ATOSA: variants seen among roughly 807,000 people sequenced by gnomAD.
ATOSA encodes atos homolog protein A.
the ATOSA span, among the ~76,000 whole-genome samples, chr15:52,702,567 T>C: frequency 6.6e-6 from 1 of 151,992 alleles, no homozygotes; most frequent in Non-Finnish European, 1.5e-5. Context: ...TGGGTACTCA[T>C]GGACATAGAG....
the ATOSA span, among the ~76,000 whole-genome samples, chr15:52,659,014 G>T: frequency 6.6e-6 from 1 of 151,802 alleles, no homozygotes; most frequent in Non-Finnish European, 1.5e-5. Flanking sequence ...GGATAGTAGA[G>T]TGTACAATTT....
At chr15:52,587,112 G>A in the ATOSA span, 5 of 1,612,204 alleles carry the variant, frequency 3.1e-6, no homozygotes, top group Non-Finnish European at 4.2e-6. Flanking sequence ...ATGTATGTGA[G>A]AGAATGATTA....
the ATOSA span, among the ~76,000 whole-genome samples, chr15:52,703,537 C>T: frequency 6.6e-6 from 1 of 152,248 alleles, no homozygotes; most frequent in East Asian, 1.9e-4. Context: ...AACAAAACTA[C>T]CTGATGGTTG....
At chr15:52,688,131 A>G in the ATOSA span, among the ~76,000 whole-genome samples, 1 of 152,228 alleles carries the variant, frequency 6.6e-6, no homozygotes, top group East Asian at 1.9e-4. Context: ...AAAGCTGCTA[A>G]TTTCTGGAAT....
At chr15:52,611,744 T>A in the ATOSA span, 1 of 1,613,932 alleles carries the variant, frequency 6.2e-7, no homozygotes, top group Non-Finnish European at 8.5e-7. Context: ...CACAACAATG[T>A]GACCTCAGAC....
At chr15:52,607,489 G>GTAGT in the ATOSA span, among the ~76,000 whole-genome samples, 1 of 152,164 alleles carries the variant, frequency 6.6e-6, no homozygotes, top group Non-Finnish European at 1.5e-5. Context: ...TTATTGTGAG[G>GTAGT]TAGTAGAAAG....
the ATOSA span, among the ~76,000 whole-genome samples, chr15:52,706,031 T>C: frequency 6.6e-6 from 1 of 152,194 alleles, no homozygotes; most frequent in Non-Finnish European, 1.5e-5. Flanking sequence ...ATTAAACTGC[T>C]GTGAAACAAA....
the ATOSA span, chr15:52,587,378 C>A: frequency 1.7e-6 from 1 of 586,934 alleles, no homozygotes; most frequent in Non-Finnish European, 2.9e-6. Flanking sequence ...TGTTTCTACC[C>A]CTAAGGAAAC....
At chr15:52,623,158 C>CA in the ATOSA span, among the ~76,000 whole-genome samples, 40,183 of 141,546 alleles carry the variant, frequency 0.28, 7,100 homozygotes, top group East Asian at 0.85. Context: ...GACTCCGTGT[C>CA]AAAAAAAAAA....
At chr15:52,586,144 C>G in the ATOSA span, 1 of 152,092 alleles carries the variant, frequency 6.6e-6, no homozygotes, top group African/African-American at 2.4e-5. Flanking sequence ...GCTGCATAGC[C>G]GAAGGCAAGA....
the ATOSA span, among the ~76,000 whole-genome samples, chr15:52,664,746 C>G: frequency 6.6e-6 from 1 of 152,120 alleles, no homozygotes; most frequent in Non-Finnish European, 1.5e-5. Flanking sequence ...AGTTCCAGAC[C>G]TCGGCAACAT....
At chr15:52,640,305 CA>C in the ATOSA span, among the ~76,000 whole-genome samples, 1 of 151,464 alleles carries the variant, frequency 6.6e-6, no homozygotes, top group African/African-American at 2.4e-5. Context: ...TAGTGTGGGC[CA>C]GGTGAGGTGG....
the ATOSA span, among the ~76,000 whole-genome samples, chr15:52,659,068 G>A: frequency 6.6e-6 from 1 of 152,052 alleles, no homozygotes; most frequent in Non-Finnish European, 1.5e-5. Context: ...TACTCCTCTG[G>A]GCCAGCTCCC....
the ATOSA span, among the ~76,000 whole-genome samples, chr15:52,612,257 T>C: frequency 6.6e-6 from 1 of 152,100 alleles, no homozygotes; most frequent in East Asian, 1.9e-4. Flanking sequence ...AGTGCTGGGA[T>C]TACAGGAATG....
the ATOSA span, chr15:52,656,012 C>CAT: frequency 7.1e-4 from 108 of 152,128 alleles, no homozygotes; most frequent in African/African-American, 2.5e-3. Flanking sequence ...TGTCTGCATA[C>CAT]ATACACACAC....
the ATOSA span, among the ~76,000 whole-genome samples, chr15:52,616,309 C>T: frequency 6.6e-6 from 1 of 152,166 alleles, no homozygotes; most frequent in South Asian, 2.1e-4. Context: ...AGACAAGTCA[C>T]TGAATGTTTT....
At chr15:52,659,383 T>A in the ATOSA span, among the ~76,000 whole-genome samples, 132 of 152,346 alleles carry the variant, frequency 8.7e-4, no homozygotes, top group African/African-American at 3.0e-3. Context: ...TTAACCAATA[T>A]GACTATATAA....
the ATOSA span, among the ~76,000 whole-genome samples, chr15:52,615,231 A>AT: frequency 4.2e-4 from 64 of 151,974 alleles, no homozygotes; most frequent in Admixed American, 1.5e-3. Context: ...TAATCTGTGG[A>AT]TTTTTTTCAC....
At chr15:52,647,070 T>C in the ATOSA span, among the ~76,000 whole-genome samples, 3 of 152,166 alleles carry the variant, frequency 2.0e-5, no homozygotes, top group African/African-American at 7.2e-5. Context: ...CAACTGTAAG[T>C]AGTCTCTGGG....
Sources: allele counts gnomAD v4.1 joint callset (sites outside exome capture counted in the v4.1 genomes callset), GRCh38; gene constraint gnomAD v4.1.1; transcripts MANE v1.5; gene names NCBI Gene and HGNC (gene_info 2026-07-23, HGNC 2026-07-21).